ABCG2: variants seen among roughly 807,000 people sequenced by gnomAD.
ABCG2 encodes the protein ATP binding cassette subfamily G member 2 (JR blood group), also known as broad substrate specificity ATP-binding cassette transporter ABCG2.
A neutral mutation model predicts 73.5 loss-of-function variants in ABCG2; 80 were observed. That is an observed-to-expected ratio of 1.09 (90% CI 0.91 to 1.31). The LOEUF (loss-of-function observed/expected upper bound fraction) is 1.31, where lower values mean the gene tolerates loss of function less well. ABCG2 is among the 50% of genes most tolerant of loss of function. ABCG2 has a pLI of 0.00. For synonymous variants in ABCG2, 269 were observed against 282.4 expected (o/e 0.95, Z 0.48); for missense variants, 796 against 786.2 (o/e 1.01, Z -0.15).
chr4:88,110,031 C>T (rs1010537740), intron 9 of ABCG2, among the ~76,000 whole-genome samples: 2 of 152,012 alleles, frequency 1.3e-5, no homozygotes, highest in Non-Finnish European at 2.9e-5. Flanking sequence ...TTCACTGCAG[C>T]CTCAAACTTC....
chr4:88,221,362 G>T (rs895110153), intron 1 of ABCG2, among the ~76,000 whole-genome samples: 1 of 152,248 alleles, frequency 6.6e-6, no homozygotes, highest in Admixed American at 6.5e-5. Context: ...AATTGGTACC[G>T]CAGAGAGTGG....
chr4:88,204,879 G>T (rs895943889), intron 1 of ABCG2, among the ~76,000 whole-genome samples: 15 of 152,170 alleles, frequency 9.9e-5, no homozygotes, highest in African/African-American at 3.4e-4. Context: ...TAGAGTAGGT[G>T]TATAAAATAT....
intron 1 of ABCG2, among the ~76,000 whole-genome samples, chr4:88,192,772 C>T (rs916752958): frequency 2.0e-5 from 3 of 149,658 alleles, no homozygotes; most frequent in African/African-American, 4.9e-5. Context: ...AGTGCAGTGG[C>T]GCAATCTCGG....
chr4:88,210,050 C>T (rs1729529461), intron 1 of ABCG2, among the ~76,000 whole-genome samples: 1 of 152,168 alleles, frequency 6.6e-6, no homozygotes, highest in African/African-American at 2.4e-5. Context: ...ACACCCTAAG[C>T]ATCCTGTATA....
chr4:88,197,210 A>AAG (rs1728973273), intron 1 of ABCG2, among the ~76,000 whole-genome samples: 2 of 151,720 alleles, frequency 1.3e-5, no homozygotes, highest in Admixed American at 1.3e-4. Flanking sequence ...AAAAAAAAAA[A>AAG]CAAGGCATAC....
chr4:88,178,846 T>A (rs888836796), intron 1 of ABCG2, among the ~76,000 whole-genome samples: 8 of 152,072 alleles, frequency 5.3e-5, no homozygotes, highest in Non-Finnish European at 1.2e-4. Context: ...AAGGACTTTG[T>A]CTTATTGCTT....
Position 88,099,316 on chromosome 4 carries a change from A to T in ABCG2, c.1492+8T>A. 2.5e-6 allele frequency: 4 copies of T among 1,585,662 alleles called. No homozygotes were observed. The highest frequency in any genetic ancestry group is 2.6e-6 in the Non-Finnish European group (3 of 1,168,700). On this transcript the variant is annotated splice_region_variant and intron_variant, in intron 12 of 15. Coordinates refer to ENST00000237612, the MANE Select transcript of ABCG2 (RefSeq NM_004827.3). ...GACATGTCCTTTTTTGTTTTGTTAC[A>T]TACTTACCTAACATGAAGTACACTA... is the stretch of plus-strand genomic sequence containing the variant.
Position 88,095,534 on chromosome 4 carries a change from G to C in ABCG2, c.1723C>G (p.Arg575Gly). 6.2e-7 allele frequency: 1 copy of C among 1,613,066 alleles called. No individual in the cohort carries two copies. The highest frequency in any genetic ancestry group is 8.5e-7 in the Non-Finnish European group (1 of 1,179,174). The change falls in exon 14 of 16, where the codon CGA (arginine) becomes GGA (glycine). Residue 575 changes from arginine (R) to glycine (G), a missense_variant. Arg to Gly is a moderately radical substitution (Grantham distance 125). Transcript: ENST00000237612. ...LSWLQYFSIP[R>G]YGFTALQHNE... is the part of the protein sequence containing the mutation. ...GGAAGACATACCGTAAATCCATATCGTGGAATGCTGAAGTACTGAAGCCAT... is the reference window on the plus strand; with the variant it reads ...GGAAGACATACCGTAAATCCATATCCTGGAATGCTGAAGTACTGAAGCCAT...
intron 1 of ABCG2, among the ~76,000 whole-genome samples, chr4:88,177,327 T>C (rs1160920580): frequency 1.3e-5 from 2 of 151,720 alleles, no homozygotes; most frequent in African/African-American, 2.4e-5. Flanking sequence ...TGAGCCGAGA[T>C]TGGCCACGGC....
At chr4:88,096,607 C>T (rs45566833) in intron 13 of ABCG2, among the ~76,000 whole-genome samples, 7 of 152,164 alleles carry the variant, frequency 4.6e-5, no homozygotes, top group African/African-American at 1.4e-4. Flanking sequence ...TATTTAAAGG[C>T]ATCTACTCCT....
chr4:88,188,077 T>C (rs1241372549), intron 1 of ABCG2, among the ~76,000 whole-genome samples: 1 of 152,204 alleles, frequency 6.6e-6, no homozygotes, highest in Non-Finnish European at 1.5e-5. Context: ...GTCATAATGA[T>C]TTTCTCTTAT....
chr4:88,172,183 T>C (rs1419201597), intron 1 of ABCG2, among the ~76,000 whole-genome samples: 1 of 150,228 alleles, frequency 6.7e-6, no homozygotes, highest in Non-Finnish European at 1.5e-5. Flanking sequence ...TAATCCCAGC[T>C]ACTCGGGAGG....
chr4:88,225,397 A>G (rs1730170605), intron 1 of ABCG2, among the ~76,000 whole-genome samples: 1 of 152,200 alleles, frequency 6.6e-6, no homozygotes, highest in South Asian at 2.1e-4. Flanking sequence ...GGCATTTTCA[A>G]AGGCTTGGAG....
chr4:88,095,232 A>T (rs768668606), intron 14 of ABCG2, among the ~76,000 whole-genome samples: 1 of 152,160 alleles, frequency 6.6e-6, no homozygotes, highest in African/African-American at 2.4e-5. Context: ...TTACTTCCTT[A>T]TTGAACTGAA....
chr4:88,143,504 G>A (rs781094099), intron 1 of ABCG2, among the ~76,000 whole-genome samples: 1 of 152,118 alleles, frequency 6.6e-6, no homozygotes, highest in African/African-American at 2.4e-5. Context: ...GCAACAACTA[G>A]AGCTAAAGTA....
chr4:88,150,912 T>C (rs1167610744), intron 1 of ABCG2, among the ~76,000 whole-genome samples: 6 of 152,174 alleles, frequency 3.9e-5, no homozygotes. Context: ...TGAAACCTAT[T>C]ATCTGTGCAT....
intron 1 of ABCG2, among the ~76,000 whole-genome samples, chr4:88,169,325 T>C (rs1199561848): frequency 1.3e-5 from 2 of 152,246 alleles, no homozygotes; most frequent in Non-Finnish European, 1.5e-5. Flanking sequence ...ATTACAGGCA[T>C]GAGCCATCAT....
intron 1 of ABCG2, among the ~76,000 whole-genome samples, chr4:88,144,782 A>G (rs1037740073): frequency 6.6e-6 from 1 of 152,044 alleles, no homozygotes; most frequent in African/African-American, 2.4e-5. Context: ...GAGAAGTTTA[A>G]CCATTTGTCT....
chr4:88,213,463 C>A (rs138930971), intron 1 of ABCG2, among the ~76,000 whole-genome samples: 35 of 152,120 alleles, frequency 2.3e-4, no homozygotes, highest in African/African-American at 8.5e-4. Flanking sequence ...CTGCTGCCTT[C>A]TCTCCTATTA....
Sources: gnomAD v4.1 joint callset for allele counts (sites outside exome capture counted in the v4.1 genomes callset) on GRCh38, gnomAD v4.1.1 for gene constraint, MANE v1.5 for transcripts, NCBI Gene and HGNC (gene_info 2026-07-23, HGNC 2026-07-21) for gene names.